Variants in TBATA observed in about 807,000 individuals in gnomAD.
The protein encoded by TBATA is thymus, brain and testes associated.
TBATA carries 47 observed loss-of-function variants against 38.7 expected under a neutral mutation model. That is an observed-to-expected ratio of 1.21 (90% CI 0.96 to 1.55). The LOEUF is 1.55. TBATA is among the 40% of genes most tolerant of loss of function. The pLI is 0.00. For synonymous variants in TBATA, 183 were observed against 170.5 expected (o/e 1.07, Z -0.57); for missense variants, 436 against 435.6 (o/e 1.00, Z -0.01).
chr10:70,782,264 A>G, intron 3 of TBATA: 1 of 1,466,722 alleles, frequency 6.8e-7, no homozygotes, highest in Non-Finnish European at 9.2e-7. Flanking sequence ...GGGAGCTGGC[A>G]TCCATTTGAG....
At chr10:70,778,948 T>C (rs1020107717) in intron 5 of TBATA, among the ~76,000 whole-genome samples, 2 of 152,200 alleles carry the variant, frequency 1.3e-5, no homozygotes, top group Non-Finnish European at 2.9e-5. Context: ...AAGATGCACA[T>C]GGTTTAATCT....
At chr10:70,782,352 C>T in intron 3 of TBATA, 1 of 1,388,568 alleles carries the variant, frequency 7.2e-7, no homozygotes, top group South Asian at 1.2e-5. Flanking sequence ...TGCAGACCCA[C>T]CTACTCATCA....
chr10:70,779,888 C>A (rs1346798094), intron 4 of TBATA, 146 bp from the exon 5 acceptor site: 7 of 842,740 alleles, frequency 8.3e-6, no homozygotes, highest in Non-Finnish European at 1.0e-5. Context: ...GCTGGGAGGG[C>A]ATTGTAACCA....
At chr10:70,781,452 T>C (rs947656161) in intron 4 of TBATA, among the ~76,000 whole-genome samples, 1 of 152,192 alleles carries the variant, frequency 6.6e-6, no homozygotes, top group African/African-American at 2.4e-5. Context: ...TCACACTCAA[T>C]CAATATTTGA....
chr10:70,777,678 C>T (rs2132890515), intron 6 of TBATA: 2 of 389,220 alleles, frequency 5.1e-6, no homozygotes, highest in Admixed American at 7.5e-5. Context: ...CGTTCTCCCT[C>T]CCAGGTAGGT....
chr10:70,779,049 G>A (rs762528055), intron 5 of TBATA, among the ~76,000 whole-genome samples: 5 of 152,220 alleles, frequency 3.3e-5, no homozygotes, highest in Non-Finnish European at 5.9e-5. Context: ...ACTCCCTGGA[G>A]AGGGTGGCAA....
rs756010080 is a variant in TBATA at position 70,782,005 on chromosome 10, ACTT to A, written c.70_72del (p.Lys24del). On this transcript the variant is annotated inframe_deletion, in exon 4 of 11. Coordinates refer to ENST00000456372, the MANE Select transcript of TBATA (RefSeq NM_001318241.2). ...CTGGGGCTCCTTGGCTTGCGCCCTG[ACTT>A]CTTCTCCAGTTTCAGCTCAGCCTTT... 1.1e-5 allele frequency: 17 copies of A among 1,614,162 alleles called. No individual in the cohort carries two copies. The South Asian group carries it at 1.4e-4, about 14-fold the overall frequency.
Position 70,777,039 on chromosome 10 carries a change from C to T in TBATA, c.693+114G>A, listed in dbSNP as rs1564583038. 3.4e-6 allele frequency: 4 copies of T among 1,187,818 alleles called. No homozygotes were observed. The East Asian group carries it at 7.7e-5, about 23-fold the overall frequency. 73.6% of individuals were successfully genotyped at this position (1,187,818 alleles called of 1,614,324 possible). On this transcript the variant is annotated intron_variant, in intron 7 of 10. Coordinates refer to ENST00000456372, the MANE Select transcript of TBATA (RefSeq NM_001318241.2). ...GCTGACTCCACAGGGCTGGAGTTTTCTGTTCTTAACAGTCCTAGGCACCAG... is the reference window on the plus strand; with the variant it reads ...GCTGACTCCACAGGGCTGGAGTTTTTTGTTCTTAACAGTCCTAGGCACCAG...
Position 70,779,748 on chromosome 10 carries a change from A to G in TBATA, c.278-6T>C. 1 of 1,536,660 alleles carries G rather than the reference A, an allele frequency of 6.5e-7. No homozygotes were observed. The highest frequency in any genetic ancestry group is 1.4e-5 in the African/African-American group (1 of 69,296). The stretch of plus-strand genomic sequence containing the variant: ...GACAGGCTTCCCGGTGAGATCTGCA[A>G]AGGGTTAGAGGCTGTGGGAAGGGAG... On this transcript the variant is annotated splice_polypyrimidine_tract_variant and splice_region_variant and intron_variant, in intron 4 of 10. Transcript: ENST00000456372.
At chr10:70,772,710 G>A in intron 9 of TBATA, 144 bp from the exon 10 acceptor site, 1 of 859,788 alleles carries the variant, frequency 1.2e-6, no homozygotes, top group South Asian at 1.5e-5. Context: ...CACCCCTCCT[G>A]GAGGGCCAGA....
At position 70,777,094 on chromosome 10, in the gene TBATA, G is replaced by A. The variant is rs920753582; in HGVS notation, c.693+59C>T. The A allele has an allele frequency of 3.3e-5, 51 of 1,560,288 alleles. No homozygotes were observed. The African/African-American group carries it at 4.9e-4, about 15-fold the overall frequency. On this transcript the variant is annotated intron_variant, in intron 7 of 10. Transcript: ENST00000456372. ...CCTGGGAGGGGCCTTGCCCTAAAGC[G>A]GTTTGTAAGACCCCTAATGTGGAGA... is the stretch of plus-strand genomic sequence containing the variant.
chr10:70,777,506 C>G (rs960786157), intron 6 of TBATA, among the ~76,000 whole-genome samples, 168 bp from the exon 7 acceptor site: 2 of 67,068 alleles, frequency 3.0e-5, no homozygotes, highest in African/African-American at 5.8e-5. Context: ...GCTCTGCCAC[C>G]CCCCCAACCT....
chr10:70,782,612 C>T (rs1844389543), intron 3 of TBATA: 8 of 985,448 alleles, frequency 8.1e-6, no homozygotes, highest in African/African-American at 1.7e-5. Context: ...GAAGAGCTGA[C>T]GCAGCAGCTA....
intron 10 of TBATA, 88 bp from the exon 11 acceptor site, chr10:70,771,549 G>A (rs1842794619): frequency 7.7e-7 from 1 of 1,296,220 alleles, no homozygotes; most frequent in East Asian, 2.3e-5. Context: ...GAGTGCTGAG[G>A]GGAAGGTCTG....
chr10:70,775,247 G>T lies in TBATA; in HGVS notation c.717C>A (p.Ile239=). ...TTGCGCTTAGCAAGTCTGTTTCCAG[G>T]ATCCGACACAGGAGCTCCAGGACCT... ...ELLVLELLCR[I]LETDLLSAIQ... is the part of the protein sequence containing the mutation. The change falls in exon 8 of 11, where the codon ATC becomes ATA. Residue 239 remains isoleucine, a synonymous_variant. Coordinates refer to ENST00000456372, the MANE Select transcript of TBATA (RefSeq NM_001318241.2). 6.2e-7 allele frequency: 1 copy of T among 1,614,116 alleles called. No individual in the cohort carries two copies. The highest frequency in any genetic ancestry group is 8.5e-7 in the Non-Finnish European group (1 of 1,179,990).
chr10:70,783,131 C>T (rs1844465875), intron 3 of TBATA, among the ~76,000 whole-genome samples: 2 of 152,234 alleles, frequency 1.3e-5, no homozygotes, highest in African/African-American at 4.8e-5. Flanking sequence ...AAGTCTTTTC[C>T]CTGCCCAGGA....
Position 70,774,319 on chromosome 10 carries a change from C to T in TBATA, c.814G>A (p.Ala272Thr), listed in dbSNP as rs1843109289. ...ACTAGGGGCTGGGGAAGGAGCTGAG[C>T]CACTGCTGTCTGCAGGAGTCCCAGA... The part of the protein sequence containing the change: ...LALGLLQTAV[A>T]QLLPQPLVSI... Residue 272 changes from alanine to threonine, a missense_variant, in exon 9 of 11, where the codon GCT becomes ACT. Ala to Thr is a moderately conservative substitution (Grantham distance 58). Coordinates refer to ENST00000456372, the MANE Select transcript of TBATA (RefSeq NM_001318241.2). 6.2e-7 allele frequency: 1 copy of T among 1,605,516 alleles called. No homozygotes were observed. Among genetic ancestry groups the T allele is most frequent in the African/African-American group, 1.3e-5 (1 of 74,898 alleles).
intron 5 of TBATA, 152 bp downstream of exon 5, chr10:70,779,441 C>T (rs1843854823): frequency 6.5e-6 from 6 of 921,668 alleles, no homozygotes; most frequent in Non-Finnish European, 9.0e-6. Context: ...ATTAGGCTGT[C>T]CAAGGAAATG....
At chr10:70,777,967 C>A in intron 6 of TBATA, 1 of 327,404 alleles carries the variant, frequency 3.1e-6, no homozygotes, top group South Asian at 2.4e-5. Context: ...CGGGCCTCTG[C>A]CTGTCCACTC....
Sources: gnomAD v4.1 joint callset for allele counts (sites outside exome capture counted in the v4.1 genomes callset) on GRCh38, gnomAD v4.1.1 for gene constraint, MANE v1.5 for transcripts, NCBI Gene and HGNC (gene_info 2026-07-23, HGNC 2026-07-21) for gene names.